Variants in XYLB observed in about 807,000 individuals in gnomAD.
XYLB encodes xylulose kinase.
Under a neutral mutation model 78.7 loss-of-function variants are expected in XYLB, and 62 were observed. The observed-to-expected ratio is 0.79, with a 90% CI of 0.64 to 0.97. XYLB has a LOEUF of 0.97. Ranked by LOEUF, XYLB falls within the 50% of genes least tolerant of loss-of-function variation. The pLI is 0.00. For synonymous variants in XYLB, 245 were observed against 247.4 expected, an observed-to-expected ratio of 0.99 and a Z score of 0.09; for missense variants, 687 against 676.8, an observed-to-expected ratio of 1.02 and a Z score of -0.17.
chr3:38,405,591 C>T (rs1165613268), intron 18 of XYLB, among the ~76,000 whole-genome samples: 1 of 152,202 alleles, frequency 6.6e-6, no homozygotes, highest in Non-Finnish European at 1.5e-5. Context: ...CATTGCCTCA[C>T]TCGAGAAGTG....
the XYLB span, among the ~76,000 whole-genome samples, chr3:38,440,551 C>A: frequency 6.6e-6 from 1 of 152,126 alleles, no homozygotes; most frequent in African/African-American, 2.4e-5. Flanking sequence ...CTGTTCAGAT[C>A]TTTGTGTGGT....
chr3:38,359,152 T>C (rs1705835221), intron 2 of XYLB, among the ~76,000 whole-genome samples: 2 of 152,264 alleles, frequency 1.3e-5, no homozygotes, highest in South Asian at 4.1e-4. Flanking sequence ...AGATTATAGA[T>C]TAGCTGAAAG....
Position 38,368,199 on chromosome 3 carries a change from C to A in XYLB, c.588C>A (p.Val196=). Residue 196 remains valine (V), a synonymous_variant, in exon 8 of 19, where the codon GTC becomes GTA. Transcript: ENST00000207870. The part of the protein sequence containing the change: ...AYSHTERISL[V]SSFAASLFLG... ...TTCCTTTACAGAGAATTTCTTTGGTCAGTAGCTTTGCTGCTTCCCTGTTCC... is the reference window on the plus strand; with the variant it reads ...TTCCTTTACAGAGAATTTCTTTGGTAAGTAGCTTTGCTGCTTCCCTGTTCC... 1 of 1,614,044 alleles carries A rather than the reference C, an allele frequency of 6.2e-7. No individual in the cohort carries two copies. Among genetic ancestry groups the A allele is most frequent in the South Asian group, 1.1e-5 (1 of 91,028 alleles).
At chr3:38,367,118 A>AG (rs1706306658) in intron 7 of XYLB, among the ~76,000 whole-genome samples, 1 of 152,108 alleles carries the variant, frequency 6.6e-6, no homozygotes, top group African/African-American at 2.4e-5. Context: ...TCCAGGTGGG[A>AG]GCACTGGGGA....
intron 10 of XYLB, among the ~76,000 whole-genome samples, chr3:38,374,154 G>A (rs1706721670): frequency 6.6e-6 from 1 of 152,028 alleles, no homozygotes; most frequent in African/African-American, 2.4e-5. Flanking sequence ...TTGGTGTCTT[G>A]TCTTGGCCTC....
At chr3:38,347,527 A>G (rs1159777911) in intron 1 of XYLB, among the ~76,000 whole-genome samples, 1 of 152,160 alleles carries the variant, frequency 6.6e-6, no homozygotes, top group South Asian at 2.1e-4. Flanking sequence ...AGAAAATACA[A>G]AAATTAGCCG....
At chr3:38,377,614 A>AT (rs1706930875) in intron 14 of XYLB, among the ~76,000 whole-genome samples, 1 of 151,734 alleles carries the variant, frequency 6.6e-6, no homozygotes. Context: ...CACCTGGCTA[A>AT]TTTTTGTATT....
At chr3:38,409,001 A>G (rs1164536781) in intron 18 of XYLB, among the ~76,000 whole-genome samples, 3 of 152,318 alleles carry the variant, frequency 2.0e-5, no homozygotes, top group Non-Finnish European at 2.9e-5. Context: ...ATTCCAATCA[A>G]TAGAAAAAGA....
intron 6 of XYLB, among the ~76,000 whole-genome samples, chr3:38,366,104 C>T (rs1274151118): frequency 7.3e-5 from 9 of 123,416 alleles, no homozygotes; most frequent in Non-Finnish European, 1.3e-4. Context: ...TAGTGCCTGG[C>T]AATGTTAAAA....
rs146868793 is a variant in XYLB at position 38,396,756 on chromosome 3, G to C, written c.1351-316G>C. 9.3e-4 allele frequency among the ~76,000 whole-genome samples: 142 copies of C among 152,284 alleles called. No individual in the cohort carries two copies. In the East Asian group the frequency reaches 0.025, roughly 26 times the overall value. On this transcript the variant is annotated intron_variant, in intron 16 of 18. Transcript: ENST00000207870. ...CTTGTTAATGTTAGTCTAATACCCA[G>C]CTGTCTCCAGCCCTAGGTCAGTGCC...
chr3:38,370,266 A>T (rs1706486034), intron 9 of XYLB, 92 bp downstream of exon 9: 2 of 873,572 alleles, frequency 2.3e-6, no homozygotes, highest in Non-Finnish European at 3.8e-6. Flanking sequence ...ACACACACAC[A>T]CTCTGCACAC....
intron 2 of XYLB, among the ~76,000 whole-genome samples, chr3:38,352,851 G>A (rs1705440686): frequency 6.6e-6 from 1 of 152,078 alleles, no homozygotes; most frequent in African/African-American, 2.4e-5. Flanking sequence ...ACAAATTAAA[G>A]TCATCTGTAG....
chr3:38,440,785 T>C, the XYLB span, among the ~76,000 whole-genome samples: 177 of 152,298 alleles, frequency 1.2e-3, no homozygotes, highest in Non-Finnish European at 2.0e-3. Context: ...GTACACACTT[T>C]TTTCTTTACT....
At chr3:38,371,464 C>T (rs11922285) in intron 9 of XYLB, among the ~76,000 whole-genome samples, 23 of 152,052 alleles carry the variant, frequency 1.5e-4, no homozygotes, top group African/African-American at 4.8e-4. Context: ...TTAGTAGAGA[C>T]GGGGTTTCAC....
chr3:38,446,439 C>A, the XYLB span, among the ~76,000 whole-genome samples: 3 of 152,162 alleles, frequency 2.0e-5, no homozygotes, highest in Non-Finnish European at 2.9e-5. Context: ...CATCCAGAGT[C>A]CAGCTGGTTT....
At chr3:38,409,513 C>T (rs1004572927) in intron 18 of XYLB, among the ~76,000 whole-genome samples, 3 of 152,208 alleles carry the variant, frequency 2.0e-5, no homozygotes, top group African/African-American at 7.2e-5. Context: ...TCCTATTCAA[C>T]GTAGTGTTGG....
chr3:38,450,002 A>T, the XYLB span, among the ~76,000 whole-genome samples: 2 of 152,224 alleles, frequency 1.3e-5, no homozygotes, highest in African/African-American at 2.4e-5. Context: ...AAAGAAATAA[A>T]GCACTTTGAG....
downstream of XYLB, among the ~76,000 whole-genome samples, chr3:38,417,923 G>A (rs1346836910): frequency 1.3e-5 from 2 of 150,872 alleles, no homozygotes; most frequent in Non-Finnish European, 2.9e-5. Context: ...CGGGCGTGGT[G>A]TCTCATGTCT....
chr3:38,377,429 C>A lies in XYLB; in HGVS notation c.1194+438C>A, dbSNP rs1706917994. Among the ~76,000 whole-genome samples the A allele has an allele frequency of 2.0e-5, 3 of 147,546 alleles. No homozygotes were observed. The South Asian group carries it at 6.6e-4, about 32-fold the overall frequency. ...TGTGCTCATGGTTTTCTATACCTTC[C>A]TCATTTACTTTTCTTTTTTTTTTTT... On this transcript the variant is annotated intron_variant, in intron 14 of 18. Transcript: ENST00000207870.
Sources: allele counts gnomAD v4.1 joint callset (sites outside exome capture counted in the v4.1 genomes callset), GRCh38; gene constraint gnomAD v4.1.1; transcripts MANE v1.5; gene names NCBI Gene and HGNC (gene_info 2026-07-23, HGNC 2026-07-21).